CA10: variants seen among roughly 807,000 people sequenced by gnomAD.
CA10 encodes carbonic anhydrase 10 (inactive).
In CA10, 14 loss-of-function variants were observed where a neutral mutation model predicts 44.2. The ratio of observed to expected loss-of-function variants is 0.32; its 90% CI spans 0.21 to 0.50. CA10 has a LOEUF of 0.50. Among genes scored for constraint, CA10 ranks in the 20% least tolerant of loss-of-function variants. The pLI, the probability that CA10 is intolerant of heterozygous loss-of-function variation, is 0.99. For missense variants in CA10, 350 were observed against 409.7 expected, an observed-to-expected ratio of 0.85 and a Z score of 1.26; for synonymous variants, 159 against 141.6, an observed-to-expected ratio of 1.12 and a Z score of -0.87.
intron 4 of CA10, among the ~76,000 whole-genome samples, chr17:51,720,133 A>C (rs1173761358): frequency 6.6e-6 from 1 of 152,186 alleles, no homozygotes; most frequent in Non-Finnish European, 1.5e-5. Flanking sequence ...AACTCTTGGG[A>C]TTTCTGGCCT....
At chr17:52,139,318 G>C (rs1447246650) in intron 1 of CA10, among the ~76,000 whole-genome samples, 1 of 152,050 alleles carries the variant, frequency 6.6e-6, no homozygotes, top group Non-Finnish European at 1.5e-5. Flanking sequence ...AATAGTCTTG[G>C]ATATCCATTA....
intron 2 of CA10, among the ~76,000 whole-genome samples, chr17:52,050,921 C>T (rs1291538778): frequency 6.6e-6 from 1 of 151,618 alleles, no homozygotes; most frequent in Non-Finnish European, 1.5e-5. Flanking sequence ...TTGTTCACTG[C>T]TATACACCCA....
At chr17:51,989,153 CTT>C (rs558333341) in intron 2 of CA10, among the ~76,000 whole-genome samples, 42 of 135,032 alleles carry the variant, frequency 3.1e-4, no homozygotes, top group Non-Finnish European at 2.8e-4. Context: ...ATCTCTGTTT[CTT>C]TTTTTTTTTT....
chr17:51,696,375 A>G, intron 4 of CA10, among the ~76,000 whole-genome samples: 1 of 151,974 alleles, frequency 6.6e-6, no homozygotes, highest in East Asian at 1.9e-4. Context: ...GTTTCCGTTT[A>G]ATCTTGGGAG....
At chr17:51,830,378 TTCTC>T (rs1026607537) in intron 3 of CA10, among the ~76,000 whole-genome samples, 1 of 152,072 alleles carries the variant, frequency 6.6e-6, no homozygotes, top group Non-Finnish European at 1.5e-5. Context: ...CAATCTCTTT[TTCTC>T]TCTCTCTCAG....
intron 3 of CA10, among the ~76,000 whole-genome samples, chr17:51,765,951 A>G (rs1905366150): frequency 1.3e-5 from 2 of 152,178 alleles, no homozygotes; most frequent in Non-Finnish European, 2.9e-5. Flanking sequence ...GCCAAGTGTG[A>G]AATCCAGCCT....
At chr17:51,667,856 C>T (rs187490321) in intron 4 of CA10, among the ~76,000 whole-genome samples, 1 of 152,308 alleles carries the variant, frequency 6.6e-6, no homozygotes, top group Admixed American at 6.5e-5. Context: ...ACAGAGACAG[C>T]ATTTTGCTGA....
intron 2 of CA10, 38 bp from the exon 3 acceptor site, chr17:51,931,170 G>T: frequency 6.2e-7 from 1 of 1,602,524 alleles, no homozygotes; most frequent in Non-Finnish European, 8.5e-7. Context: ...AGGCTGAGTA[G>T]CAGGTTGGGG....
chr17:51,654,571 T>G (rs1913715980), intron 4 of CA10, among the ~76,000 whole-genome samples: 1 of 152,020 alleles, frequency 6.6e-6, no homozygotes, highest in Non-Finnish European at 1.5e-5. Flanking sequence ...TTTTTTTTTT[T>G]TTTAAGTTGG....
chr17:51,863,641 TAC>T (rs911984975), intron 3 of CA10, among the ~76,000 whole-genome samples: 1 of 152,174 alleles, frequency 6.6e-6, no homozygotes, highest in Non-Finnish European at 1.5e-5. Context: ...ATGAGCTGGA[TAC>T]AAATTCACTG....
rs553794475 is a variant in CA10, at chr17:51,753,743, T to C, written c.280-5925A>G. Among the ~76,000 whole-genome samples the C allele has an allele frequency of 3.4e-4, 52 of 152,316 alleles. No individual in the cohort carries two copies. The South Asian group carries it at 0.01, about 30-fold the overall frequency. On this transcript the variant is annotated intron_variant, in intron 3 of 8. Transcript: ENST00000451037. ...TACCTGGTTTCTATGGCACTTTCCA[T>C]AGAAGCAAACTGCCATCAGTCGGGG...
At chr17:52,053,468 AAT>A (rs1278668295) in intron 2 of CA10, among the ~76,000 whole-genome samples, 2 of 152,096 alleles carry the variant, frequency 1.3e-5, no homozygotes, top group African/African-American at 4.8e-5. Flanking sequence ...TTAGCAAACT[AAT>A]ATGTCTATAA....
intron 2 of CA10, among the ~76,000 whole-genome samples, chr17:51,979,812 A>T (rs764336458): frequency 1.2e-4 from 18 of 152,096 alleles, no homozygotes; most frequent in Non-Finnish European, 5.9e-5. Context: ...GTACCCAGAG[A>T]TGAGTACCCA....
At chr17:51,896,538 A>G (rs532846860) in intron 3 of CA10, among the ~76,000 whole-genome samples, 5 of 152,230 alleles carry the variant, frequency 3.3e-5, no homozygotes, top group Admixed American at 3.3e-4. Flanking sequence ...CAGTGCTGTG[A>G]TGAAGATACG....
intron 2 of CA10, among the ~76,000 whole-genome samples, chr17:52,032,686 A>G (rs1434261984): frequency 6.6e-6 from 1 of 152,146 alleles, no homozygotes; most frequent in Non-Finnish European, 1.5e-5. Flanking sequence ...TCTGCATGAC[A>G]AAGGAGTGGC....
At chr17:52,027,603 G>C (rs1410367525) in intron 2 of CA10, among the ~76,000 whole-genome samples, 1 of 152,138 alleles carries the variant, frequency 6.6e-6, no homozygotes, top group African/African-American at 2.4e-5. Context: ...AGGAAAGAAG[G>C]AAGCCCTGAG....
At chr17:51,810,613 A>G (rs1451737380) in intron 3 of CA10, among the ~76,000 whole-genome samples, 1 of 152,228 alleles carries the variant, frequency 6.6e-6, no homozygotes, top group Non-Finnish European at 1.5e-5. Context: ...GAAGCCCCGG[A>G]AGCTTCCATT....
intron 1 of CA10, among the ~76,000 whole-genome samples, chr17:52,142,071 A>G (rs980566546): frequency 2.0e-5 from 3 of 152,208 alleles, no homozygotes; most frequent in Non-Finnish European, 4.4e-5. Flanking sequence ...CCTATGAGTA[A>G]GCCATGTAGG....
chr17:51,972,802 A>G (rs1278353819), intron 2 of CA10, among the ~76,000 whole-genome samples: 1 of 152,156 alleles, frequency 6.6e-6, no homozygotes, highest in Non-Finnish European at 1.5e-5. Flanking sequence ...ATCTAAAACC[A>G]AAAACTTAGT....
Sources: allele counts gnomAD v4.1 joint callset (sites outside exome capture counted in the v4.1 genomes callset), GRCh38; gene constraint gnomAD v4.1.1; transcripts MANE v1.5; gene names NCBI Gene and HGNC (gene_info 2026-07-23, HGNC 2026-07-21).